The following PDS5A variants were observed in gnomAD, a reference collection of about 807,000 sequenced individuals.
The protein encoded by PDS5A is sister chromatid cohesion protein PDS5 homolog A.
In PDS5A, 42 loss-of-function variants were observed where a neutral mutation model predicts 167.1. The ratio of observed to expected loss-of-function variants is 0.25; its 90% CI spans 0.20 to 0.33. PDS5A has a LOEUF of 0.33. PDS5A is among the 10% of genes least tolerant of loss of function. The probability of loss-of-function intolerance (pLI) is 1.00; values close to 1 mark genes in which losing one functional copy is unlikely to be tolerated. For missense variants in PDS5A, 1,033 were observed against 1,605.9 expected (o/e 0.64, Z 6.10); for synonymous variants, 553 against 554.6 (o/e 1.00, Z 0.04).
chr4:39,939,023 C>T (rs903454748), intron 2 of PDS5A, among the ~76,000 whole-genome samples: 2 of 151,314 alleles, frequency 1.3e-5, no homozygotes, highest in Non-Finnish European at 2.9e-5. Flanking sequence ...CACAGTAACA[C>T]AAGGAACCAT....
At chr4:39,929,536 T>TATACATATATATATATATATATAC (rs60652108) in intron 2 of PDS5A, among the ~76,000 whole-genome samples, 1 of 116,670 alleles carries the variant, frequency 8.6e-6, no homozygotes, top group African/African-American at 3.4e-5. Flanking sequence ...TATATATATA[T>TATACATATATATATATATATATAC]ATATATATAT....
At chr4:39,902,101 T>C (rs1560467780) in intron 13 of PDS5A, among the ~76,000 whole-genome samples, 1 of 152,198 alleles carries the variant, frequency 6.6e-6, no homozygotes, top group Non-Finnish European at 1.5e-5. Context: ...GCCACAGGTA[T>C]TTTGACGTGG....
chr4:39,830,708 A>C (rs992230924), intron 32 of PDS5A, among the ~76,000 whole-genome samples: 1 of 152,252 alleles, frequency 6.6e-6, no homozygotes, highest in Admixed American at 6.5e-5. Context: ...TAAAGGCGTG[A>C]GCCACCATGC....
intron 11 of PDS5A, among the ~76,000 whole-genome samples, chr4:39,907,060 T>A (rs533423430): frequency 6.6e-6 from 1 of 152,212 alleles, no homozygotes; most frequent in South Asian, 2.1e-4. Flanking sequence ...GGTGTTACTG[T>A]TACCACACCA....
intron 10 of PDS5A, chr4:39,909,963 C>A (rs1723752681): frequency 3.8e-6 from 1 of 261,564 alleles, no homozygotes; most frequent in Non-Finnish European, 7.1e-6. Context: ...TTAAGCTGGG[C>A]ATTGTAGCAC....
At chr4:39,899,691 A>T (rs549482974) in intron 14 of PDS5A, among the ~76,000 whole-genome samples, 1 of 152,050 alleles carries the variant, frequency 6.6e-6, no homozygotes, top group South Asian at 2.1e-4. Flanking sequence ...TACAAAAAAC[A>T]TACAAAACCT....
chr4:39,883,429 C>T (rs1421645623), intron 17 of PDS5A, among the ~76,000 whole-genome samples: 4 of 152,230 alleles, frequency 2.6e-5, no homozygotes, highest in Non-Finnish European at 5.9e-5. Context: ...GATCCGCCCA[C>T]TTCGGCCTCC....
rs776329428 is a variant in PDS5A at position 39,844,721 on chromosome 4, G to A, written c.3483C>T (p.Gly1161=). The A allele has an allele frequency of 1.2e-6, 2 of 1,613,248 alleles. No individual in the cohort carries two copies. The highest frequency in any genetic ancestry group is 4.5e-5 in the East Asian group (2 of 44,856). ...TGRKPYVRST[G]TETGSNINVN... ...CATTAATATTGCTTCCAGTCTCAGT[G>A]CCAGTGCTTCTAACATAGGGTTTCC... The change falls in exon 30 of 33, where the codon GGC becomes GGT. Residue 1161 remains glycine, a synonymous_variant. Coordinates refer to ENST00000303538, the MANE Select transcript of PDS5A (RefSeq NM_001100399.2).
chr4:39,967,689 G>C (rs926955327), intron 2 of PDS5A, among the ~76,000 whole-genome samples: 1 of 151,696 alleles, frequency 6.6e-6, no homozygotes, highest in Non-Finnish European at 1.5e-5. Context: ...GCCAGGCACA[G>C]TGGCTCTCTC....
chr4:39,844,532 C>A, intron 30 of PDS5A, 124 bp downstream of exon 30: 2 of 618,730 alleles, frequency 3.2e-6, no homozygotes, highest in Non-Finnish European at 5.4e-6. Context: ...TAAAATTCAT[C>A]AATATTATTT....
intron 10 of PDS5A, among the ~76,000 whole-genome samples, chr4:39,909,415 A>G (rs1723702602): frequency 6.6e-6 from 1 of 152,160 alleles, no homozygotes; most frequent in Non-Finnish European, 1.5e-5. Flanking sequence ...GTGAGCCACC[A>G]TGCCCATAGT....
At chr4:39,972,663 C>T (rs1024135362) in intron 2 of PDS5A, among the ~76,000 whole-genome samples, 1 of 148,076 alleles carries the variant, frequency 6.8e-6, no homozygotes, top group Non-Finnish European at 1.5e-5. Context: ...CTGTACCCAA[C>T]CACAACTTTC....
At chr4:39,973,339 T>G (rs1177487608) in intron 2 of PDS5A, 3 of 1,606,830 alleles carry the variant, frequency 1.9e-6, no homozygotes, top group African/African-American at 1.3e-5. Flanking sequence ...AGCAGGCTGT[T>G]GCATTGTAAC....
chr4:39,858,685 G>C (rs1718736834), intron 26 of PDS5A, among the ~76,000 whole-genome samples: 1 of 152,092 alleles, frequency 6.6e-6, no homozygotes, highest in South Asian at 2.1e-4. Flanking sequence ...GTGCAATGGT[G>C]TGACCTCGGC....
At chr4:39,935,361 G>C (rs1430414306) in intron 2 of PDS5A, among the ~76,000 whole-genome samples, 2 of 152,238 alleles carry the variant, frequency 1.3e-5, no homozygotes, top group African/African-American at 4.8e-5. Flanking sequence ...GCCTCCCAAA[G>C]CGCTGGGATT....
chr4:39,860,807 C>A lies in PDS5A; in HGVS notation c.3086+1412G>T, dbSNP rs372673732. On this transcript the variant is annotated intron_variant, in intron 26 of 32. Coordinates refer to ENST00000303538, the MANE Select transcript of PDS5A (RefSeq NM_001100399.2). ...AGTGAAGGCCAGGCACAGTGGCTCACGCCTGTAATCCTAGCACTTCAGGAA... is the reference window on the plus strand; with the variant it reads ...AGTGAAGGCCAGGCACAGTGGCTCAAGCCTGTAATCCTAGCACTTCAGGAA... Among the ~76,000 whole-genome samples the A allele has an allele frequency of 1.6e-4, 24 of 152,202 alleles. No individual in the cohort carries two copies. The East Asian group carries it at 3.3e-3, about 21-fold the overall frequency.
At chr4:39,956,143 A>G (rs1728904536) in intron 2 of PDS5A, among the ~76,000 whole-genome samples, 1 of 151,968 alleles carries the variant, frequency 6.6e-6, no homozygotes, top group African/African-American at 2.4e-5. Context: ...CAATTTTAAA[A>G]AACAGTATAA....
At chr4:39,878,783 C>T (rs1720693353) in intron 18 of PDS5A, among the ~76,000 whole-genome samples, 4 of 152,016 alleles carry the variant, frequency 2.6e-5, no homozygotes, top group Middle Eastern at 3.4e-3. Context: ...CTCACTCTGA[C>T]GCCAAGCTGG....
At chr4:39,852,597 G>A (rs918332294) in intron 26 of PDS5A, among the ~76,000 whole-genome samples, 1 of 152,244 alleles carries the variant, frequency 6.6e-6, no homozygotes, top group African/African-American at 2.4e-5. Flanking sequence ...AGTTATAACT[G>A]CTCATTCTAT....
Sources: gnomAD v4.1 joint callset for allele counts (sites outside exome capture counted in the v4.1 genomes callset) on GRCh38, gnomAD v4.1.1 for gene constraint, MANE v1.5 for transcripts, NCBI Gene and HGNC (gene_info 2026-07-23, HGNC 2026-07-21) for gene names.